PTPRK: variants seen among roughly 807,000 people sequenced by gnomAD.
PTPRK encodes the protein receptor-type tyrosine-protein phosphatase kappa.
Under a neutral mutation model 178.0 loss-of-function variants are expected in PTPRK, and 75 were observed. That is an observed-to-expected ratio of 0.42 (90% confidence interval 0.35 to 0.51). PTPRK has a LOEUF of 0.51. Among genes scored for constraint, PTPRK ranks in the 20% least tolerant of loss-of-function variants. The probability of loss-of-function intolerance (pLI) is 0.02; values close to 1 mark genes in which losing one functional copy is unlikely to be tolerated. For missense variants in PTPRK, 1,441 were observed against 1,797.8 expected (o/e 0.80, Z 3.59); for synonymous variants, 637 against 620.6 (o/e 1.03, Z -0.39).
chr6:128,055,646 C>CAACAG (rs1387775995), intron 13 of PTPRK, among the ~76,000 whole-genome samples: 3 of 152,090 alleles, frequency 2.0e-5, no homozygotes, highest in Admixed American at 6.6e-5. Context: ...GTTGCCCAAG[C>CAACAG]TGGAGCGCAG....
At chr6:128,290,630 A>C (rs1823230706) in intron 3 of PTPRK, among the ~76,000 whole-genome samples, 1 of 152,118 alleles carries the variant, frequency 6.6e-6, no homozygotes, top group South Asian at 2.1e-4. Flanking sequence ...TAGGATAGAG[A>C]ACTGGAGCTG....
chr6:128,117,029 C>T (rs1008007788), intron 7 of PTPRK, among the ~76,000 whole-genome samples: 5 of 151,930 alleles, frequency 3.3e-5, no homozygotes, highest in Admixed American at 3.3e-4. Context: ...GCCTGTAGTC[C>T]CAGCTGCTCG....
At chr6:128,130,848 T>A (rs1444500790) in intron 7 of PTPRK, among the ~76,000 whole-genome samples, 1 of 150,776 alleles carries the variant, frequency 6.6e-6, no homozygotes. Context: ...TAAAAAAAAA[T>A]TGAATAACTG....
At chr6:128,263,640 C>A (rs955805825) in intron 3 of PTPRK, among the ~76,000 whole-genome samples, 1 of 152,134 alleles carries the variant, frequency 6.6e-6, no homozygotes, top group African/African-American at 2.4e-5. Context: ...CTAAAATAAT[C>A]TTTTTGATTA....
rs1562515498 is a variant in PTPRK at position 128,435,094 on chromosome 6, AAGGAAGGAAGGAAGGCAGGAAGGC to A, written c.101-37430_101-37407del. 8.2e-3 allele frequency among the ~76,000 whole-genome samples: 750 copies of A among 91,912 alleles called. 14 individuals are homozygous for A. Among genetic ancestry groups the A allele is most frequent in the African/African-American group, 0.038 (709 of 18,494 alleles). 60.3% of individuals were successfully genotyped at this position (91,912 alleles called of 152,430 possible). On this transcript the variant is annotated intron_variant, in intron 1 of 29. Transcript: ENST00000368226. ...GAAGGAAGGAAGGAAGGAAGGAAGG[AAGGAAGGAAGGAAGGCAGGAAGGC>A]AGGCAGGAAGGCAGGCAGGCAGGCA...
intron 6 of PTPRK, among the ~76,000 whole-genome samples, chr6:128,200,812 G>GAGA (rs202144769): frequency 0.022 from 3,160 of 141,208 alleles, 82 homozygotes; most frequent in African/African-American, 0.06. Flanking sequence ...GAAAGAGAGA[G>GAGA]AGAAGAAGAA....
intron 2 of PTPRK, among the ~76,000 whole-genome samples, chr6:128,328,619 C>G (rs1355831463): frequency 6.6e-6 from 1 of 152,030 alleles, no homozygotes; most frequent in African/African-American, 2.4e-5. Context: ...TATAAGAAAC[C>G]TTATATTAGA....
chr6:128,172,464 A>G (rs1800411430), intron 7 of PTPRK, among the ~76,000 whole-genome samples: 1 of 151,888 alleles, frequency 6.6e-6, no homozygotes, highest in Admixed American at 6.6e-5. Context: ...TGTCCTACAG[A>G]GGCTTCTGAC....
chr6:128,367,028 T>C (rs1338414922), intron 2 of PTPRK, among the ~76,000 whole-genome samples: 1 of 152,114 alleles, frequency 6.6e-6, no homozygotes, highest in Admixed American at 6.6e-5. Flanking sequence ...GCCCCAGCAC[T>C]GCAGGGAAGC....
At chr6:128,042,004 A>G (rs1246721065) in intron 13 of PTPRK, among the ~76,000 whole-genome samples, 2 of 151,998 alleles carry the variant, frequency 1.3e-5, no homozygotes, top group African/African-American at 4.8e-5. Context: ...GGCTTTCCCC[A>G]GAACTGCACA....
At chr6:128,189,844 G>A (rs1803453712) in intron 6 of PTPRK, among the ~76,000 whole-genome samples, 1 of 152,126 alleles carries the variant, frequency 6.6e-6, no homozygotes, top group African/African-American at 2.4e-5. Context: ...AGAAGTGCAA[G>A]TAAATGGACA....
chr6:127,988,723 T>C (rs1776253831), intron 21 of PTPRK, among the ~76,000 whole-genome samples: 1 of 152,102 alleles, frequency 6.6e-6, no homozygotes, highest in African/African-American at 2.4e-5. Context: ...TAATATTGTA[T>C]ATTTTCATTG....
intron 3 of PTPRK, among the ~76,000 whole-genome samples, chr6:128,302,391 CAAAAAAAAAAAAAA>C (rs534525238): frequency 3.2e-4 from 10 of 30,914 alleles, no homozygotes; most frequent in Admixed American, 3.1e-3. Flanking sequence ...GACTCAATTC[CAAAAAAAAAAAAAA>C]AAAAAAAAAA....
At chr6:128,000,257 G>A (rs763410132) in intron 15 of PTPRK, 8 of 1,235,008 alleles carry the variant, frequency 6.5e-6, no homozygotes, top group East Asian at 1.0e-4. Flanking sequence ...ACATTTGCCT[G>A]TTCTATCACC....
rs538620975 is a variant in PTPRK, at chr6:128,297,204, G to T, written c.495+24835C>A. On this transcript the variant is annotated intron_variant, in intron 3 of 29. Transcript: ENST00000368226. ...CCTAAATATATATGCACCCAACACA[G>T]GAGCACCCAGATTCATAAAGCAAGT... is the stretch of plus-strand genomic sequence containing the variant. Among the ~76,000 whole-genome samples, 6 of 152,064 alleles carry T rather than the reference G, an allele frequency of 3.9e-5. 1 individual carries two copies. The South Asian group carries it at 1.0e-3, about 26-fold the overall frequency.
intron 3 of PTPRK, among the ~76,000 whole-genome samples, chr6:128,280,839 T>C (rs992787748): frequency 6.6e-6 from 1 of 152,180 alleles, no homozygotes; most frequent in African/African-American, 2.4e-5. Flanking sequence ...AAAATGCTAA[T>C]AAATTAATTG....
chr6:128,389,957 C>T (rs1839324811), intron 2 of PTPRK, among the ~76,000 whole-genome samples: 1 of 152,068 alleles, frequency 6.6e-6, no homozygotes, highest in Non-Finnish European at 1.5e-5. Context: ...GCTTACCCTT[C>T]AAGTAGTCCA....
intron 6 of PTPRK, among the ~76,000 whole-genome samples, chr6:128,197,293 ATCAACCTG>A (rs1236392870): frequency 5.4e-4 from 81 of 149,766 alleles, no homozygotes; most frequent in Non-Finnish European, 4.4e-5. Context: ...TGCTGCACCT[ATCAACCTG>A]TCATCTGGGT....
At chr6:128,226,794 ATATATT>A (rs1811407363) in intron 5 of PTPRK, among the ~76,000 whole-genome samples, 1 of 127,946 alleles carries the variant, frequency 7.8e-6, no homozygotes, top group African/African-American at 3.0e-5. Flanking sequence ...ATATATATAT[ATATATT>A]TCAATAAAAT....
Sources: gnomAD v4.1 joint callset for allele counts (sites outside exome capture counted in the v4.1 genomes callset) on GRCh38, gnomAD v4.1.1 for gene constraint, MANE v1.5 for transcripts, NCBI Gene and HGNC (gene_info 2026-07-23, HGNC 2026-07-21) for gene names.